PEX11G: variants seen among roughly 807,000 people sequenced by gnomAD.
PEX11G encodes the protein peroxisomal membrane protein 11C.
A neutral mutation model predicts 22.5 loss-of-function variants in PEX11G; 20 were observed. That is an observed-to-expected ratio of 0.89 (90% confidence interval 0.62 to 1.29). PEX11G has a LOEUF of 1.29. PEX11G is among the 50% of genes most tolerant of loss of function. The probability of loss-of-function intolerance (pLI) is 0.00; values close to 1 mark genes in which losing one functional copy is unlikely to be tolerated. For synonymous variants in PEX11G, 141 were observed against 154.5 expected, an observed-to-expected ratio of 0.91 and a Z score of 0.65; for missense variants, 347 against 331.3, an observed-to-expected ratio of 1.05 and a Z score of -0.37.
At chr19:7,494,431 C>T (rs921361277) in intron 1 of PEX11G, among the ~76,000 whole-genome samples, 3 of 152,190 alleles carry the variant, frequency 2.0e-5, no homozygotes, top group African/African-American at 7.2e-5. Flanking sequence ...AAGGTCCAGA[C>T]ATGCAGAGGA....
At chr19:7,483,740 C>T (rs73921438) in intron 2 of PEX11G, among the ~76,000 whole-genome samples, 8,786 of 152,088 alleles carry the variant, frequency 0.058, 384 homozygotes, top group African/African-American at 0.11. Flanking sequence ...GCGGGGAGCA[C>T]CTGAGTAGCA....
rs377134101 is a variant in PEX11G, at chr19:7,480,464, C to T, written c.428+1569G>A. Among the ~76,000 whole-genome samples the T allele has an allele frequency of 1.2e-4, 18 of 152,288 alleles. 1 individual carries two copies. Among genetic ancestry groups the T allele is most frequent in the Admixed American group, 7.9e-4 (12 of 15,286 alleles). On this transcript the variant is annotated intron_variant, in intron 3 of 4. Coordinates refer to ENST00000221480, the MANE Select transcript of PEX11G (RefSeq NM_080662.4). ...ACAGGGAAGGCCAGCAGCACAGACA[C>T]CGCTGCCTCCAGGGGCCATGGCCAT...
Position 7,482,079 on chromosome 19 carries a change from G to C in PEX11G, c.382C>G (p.Leu128Val), listed in dbSNP as rs746800779. 1.9e-6 allele frequency: 3 copies of C among 1,601,316 alleles called. No individual in the cohort carries two copies. Among genetic ancestry groups the C allele is most frequent in the Non-Finnish European group, 2.6e-6 (3 of 1,175,482 alleles). Reference sequence around the variant, plus strand: ...GAGAGGGCCCACAGGGTTGTACTCAGCGTCCACCACCGAGAAGAGTCCACG... The same window carrying C: ...GAGAGGGCCCACAGGGTTGTACTCACCGTCCACCACCGAGAAGAGTCCACG... ...LHVDSSRWWT[L>V]STTLWALSLL... The change falls in exon 3 of 5, where the codon CTG (leucine) becomes GTG (valine). Residue 128 changes from leucine (L) to valine (V), a missense_variant. By Grantham distance (32) the Leu-to-Val change is conservative. Transcript: ENST00000221480.
At chr19:7,481,289 T>C (rs1292059145) in intron 3 of PEX11G, among the ~76,000 whole-genome samples, 1 of 150,056 alleles carries the variant, frequency 6.7e-6, no homozygotes, top group African/African-American at 2.5e-5. Context: ...AACCTCCACC[T>C]CCCCAAATTC....
In PEX11G at chr19:7,477,211, A is replaced by T; in HGVS notation, c.717T>A (p.Thr239=). 6.7e-7 allele frequency: 1 copy of T among 1,501,436 alleles called. No individual in the cohort carries two copies. The highest frequency in any genetic ancestry group is 1.3e-5 in the South Asian group (1 of 74,226). 93.0% of individuals were successfully genotyped at this position (1,501,436 alleles called of 1,614,324 possible). ...AARAGGQAEA[T]TP ...TGCTCTTCCGGCAGTGTCAGGGGGT[A>T]GTGGCCTCGGCCTGGCCGCCGGCCC... is the stretch of plus-strand genomic sequence containing the variant. Residue 239 remains threonine (T), a synonymous_variant, in exon 5 of 5, where the codon ACT becomes ACA. Transcript: ENST00000221480.
In PEX11G at chr19:7,477,322, G is replaced by T; in HGVS notation, c.606C>A (p.Gly202=). The part of the protein sequence containing the change: ...LANAVHWLPR[G]VLWAGRFPPW... ...GCGGGAAGCGGCCGGCCCACAGCAC[G>T]CCCCGGGGCAGCCAGTGCACGGCGT... Residue 202 remains glycine (G), a synonymous_variant, in exon 5 of 5, where the codon GGC becomes GGA. Transcript: ENST00000221480. 6.4e-7 allele frequency: 1 copy of T among 1,558,462 alleles called. No individual in the cohort carries two copies.
At chr19:7,494,063 C>T (rs2021936006) in intron 1 of PEX11G, among the ~76,000 whole-genome samples, 2 of 152,070 alleles carry the variant, frequency 1.3e-5, no homozygotes, top group South Asian at 2.1e-4. Flanking sequence ...CCCACCACCA[C>T]GCCCAGCTAA....
chr19:7,488,178 G>A (rs2021747920), intron 1 of PEX11G, among the ~76,000 whole-genome samples: 1 of 152,226 alleles, frequency 6.6e-6, no homozygotes. Context: ...TGTTTGGTAT[G>A]TAAACGTCCA....
upstream of PEX11G, among the ~76,000 whole-genome samples, chr19:7,493,867 G>A (rs1372446818): frequency 9.3e-5 from 14 of 149,760 alleles, no homozygotes; most frequent in South Asian, 1.5e-3. Context: ...TTGGGTCCAC[G>A]GGTCTTTGTG....
Position 7,478,315 on chromosome 19 carries a change from T to C in PEX11G, c.490A>G (p.Ser164Gly). The C allele has an allele frequency of 1.2e-6, 2 of 1,610,844 alleles. No individual in the cohort carries two copies. Among genetic ancestry groups the C allele is most frequent in the South Asian group, 2.2e-5 (2 of 90,524 alleles). The change falls in exon 4 of 5, where the codon AGC (serine) becomes GGC (glycine). Residue 164 changes from serine (S) to glycine (G), a missense_variant and splice_region_variant. Transcript: ENST00000221480. Reference protein sequence around the residue: ...RLRSPTAPFTSPLPRGKRRAM... With the variant: ...RLRSPTAPFTGPLPRGKRRAM... ...TGCTGGGTGATCACGGGCTCCTACC[T>C]GGTGAAGGGCGCCGTGGGGCTCCGC...
chr19:7,485,849 G>A lies in PEX11G; in HGVS notation c.238C>T (p.Leu80=), dbSNP rs748450906. ...AMFVYTKQYG[L]GAQEEDAFVR... is the part of the protein sequence containing the mutation. The stretch of plus-strand genomic sequence containing the variant: ...ACAAACCCTGTTACCTGTGCCCCCA[G>A]GCCATATTGCTTAGTGTAGACAAAC... Residue 80 remains leucine, a synonymous_variant, in exon 2 of 5, where the codon CTG becomes TTG. Coordinates refer to ENST00000221480, the MANE Select transcript of PEX11G (RefSeq NM_080662.4). The A allele has an allele frequency of 8.1e-5, 129 of 1,600,686 alleles. No homozygotes were observed. Among genetic ancestry groups the A allele is most frequent in the Non-Finnish European group, 1.1e-4 (125 of 1,169,082 alleles).
chr19:7,481,287 C>T (rs1599211893), intron 3 of PEX11G, among the ~76,000 whole-genome samples: 1 of 151,404 alleles, frequency 6.6e-6, no homozygotes, highest in South Asian at 2.1e-4. Context: ...GCAACCTCCA[C>T]CTCCCCAAAT....
upstream of PEX11G, chr19:7,493,185 T>A (rs1599229320): frequency 6.6e-6 from 1 of 150,990 alleles, no homozygotes; most frequent in African/African-American, 2.5e-5. Flanking sequence ...TTCCTCTCTG[T>A]CTCTCTCTCT....
chr19:7,478,066 C>T (rs1568377971), intron 4 of PEX11G, among the ~76,000 whole-genome samples: 2 of 152,228 alleles, frequency 1.3e-5, no homozygotes, highest in Admixed American at 1.3e-4. Context: ...CCATGGCCTT[C>T]GGGAAATTGA....
rs182870637 is a variant in PEX11G, at chr19:7,477,611, C to A, written c.492-175G>T. On this transcript the variant is annotated intron_variant, in intron 4 of 4. Coordinates refer to ENST00000221480, the MANE Select transcript of PEX11G (RefSeq NM_080662.4). Reference sequence around the variant, plus strand: ...ACAGAGACTGAGTCCCCATCACCCCCCCGACCCAAGCACGAACAGGGCAGG... The same window carrying A: ...ACAGAGACTGAGTCCCCATCACCCCACCGACCCAAGCACGAACAGGGCAGG... Among the ~76,000 whole-genome samples the A allele has an allele frequency of 2.0e-4, 30 of 152,326 alleles. 1 individual carries two copies. Among genetic ancestry groups the A allele is most frequent in the South Asian group, 6.2e-4 (3 of 4,822 alleles).
At chr19:7,480,821 C>A (rs947666294) in intron 3 of PEX11G, among the ~76,000 whole-genome samples, 22 of 152,162 alleles carry the variant, frequency 1.4e-4, no homozygotes, top group Non-Finnish European at 2.9e-5. Context: ...GCCACTGAAA[C>A]ATGGAGACCA....
intron 2 of PEX11G, among the ~76,000 whole-genome samples, chr19:7,484,003 G>A (rs1029222034): frequency 6.6e-6 from 1 of 151,974 alleles, no homozygotes; most frequent in African/African-American, 2.4e-5. Context: ...AAATAAATCC[G>A]AAGCTGCATA....
intron 3 of PEX11G, among the ~76,000 whole-genome samples, chr19:7,480,011 T>C (rs57716101): frequency 0.38 from 57,088 of 151,816 alleles, 11,518 homozygotes; most frequent in African/African-American, 0.54. Flanking sequence ...CGCCTATAAT[T>C]CCAGCACTTA....
At chr19:7,493,985 G>A (rs921705310), upstream of PEX11G, among the ~76,000 whole-genome samples, 2 of 150,480 alleles carry the variant, frequency 1.3e-5, no homozygotes, top group African/African-American at 2.5e-5. Context: ...TTAGCTCACT[G>A]CAACCTCTGC....
Sources: gnomAD v4.1 joint callset for allele counts (sites outside exome capture counted in the v4.1 genomes callset) on GRCh38, gnomAD v4.1.1 for gene constraint, MANE v1.5 for transcripts, NCBI Gene and HGNC (gene_info 2026-07-23, HGNC 2026-07-21) for gene names.